MRPL36: variants seen among roughly 807,000 people sequenced by gnomAD.
MRPL36 encodes the protein large ribosomal subunit protein bL36m.
A neutral mutation model predicts 2.8 loss-of-function variants in MRPL36; 1 was observed. That is an observed-to-expected ratio of 0.36 (90% CI 0.13 to 1.69). MRPL36 has a LOEUF of 1.69. Among genes scored for constraint, MRPL36 ranks in the 40% most tolerant of loss-of-function variants. The pLI, the probability that MRPL36 is intolerant of heterozygous loss-of-function variation, is 0.35. For synonymous variants in MRPL36, 68 were observed against 54.8 expected, an observed-to-expected ratio of 1.24 and a Z score of -1.06; for missense variants, 148 against 132.7, an observed-to-expected ratio of 1.12 and a Z score of -0.57.
In MRPL36 at chr5:1,798,454, T is replaced by C. The variant is rs1024610603; in HGVS notation, c.*170A>G. 3.3e-6 allele frequency: 2 copies of C among 608,714 alleles called. No homozygotes were observed. Among genetic ancestry groups the C allele is most frequent in the Non-Finnish European group, 2.8e-6 (1 of 353,960 alleles). 37.7% of individuals were successfully genotyped at this position (608,714 alleles called of 1,614,324 possible). A position where few individuals can be genotyped will look rare whatever the true frequency, so the allele number is the denominator to read the frequency against. On this transcript the variant is annotated 3_prime_UTR_variant, in exon 2 of 2. Transcript: ENST00000505059. ...ACGTTTTGGAAATAAGATAACGCAA[T>C]GTCTTCTATAGTTACTCATTTACAC... is the stretch of plus-strand genomic sequence containing the variant.
chr5:1,800,064 C>G (rs1047782362), upstream of MRPL36, among the ~76,000 whole-genome samples: 1 of 152,166 alleles, frequency 6.6e-6, no homozygotes, highest in African/African-American at 2.4e-5. Flanking sequence ...AAATGGATAT[C>G]CGCAACGAAA....
chr5:1,798,865 C>T lies in MRPL36; in HGVS notation c.71G>A (p.Arg24Gln), dbSNP rs529690993. The T allele has an allele frequency of 1.1e-5, 17 of 1,612,910 alleles. No individual in the cohort carries two copies. The highest frequency in any genetic ancestry group is 5.0e-5 in the Admixed American group (3 of 59,980). Reference sequence around the variant, plus strand: ...TCCAAATAGAAATGTGGAGAGGGCTCGAGGCTTCACCGTGTGACGACTGAG... The same window carrying T: ...TCCAAATAGAAATGTGGAGAGGGCTTGAGGCTTCACCGTGTGACGACTGAG... ...LYLSRHTVKP[R>Q]ALSTFLFGSI... Residue 24 changes from arginine (R) to glutamine (Q), a missense_variant, in exon 2 of 2, where the codon CGA (arginine) becomes CAA (glutamine). Transcript: ENST00000505059.
Position 1,798,923 on chromosome 5 carries a change from A to G in MRPL36, c.13T>C (p.Phe5Leu). 1 of 1,591,160 alleles carries G rather than the reference A, an allele frequency of 6.3e-7. No homozygotes were observed. The highest frequency in any genetic ancestry group is 8.6e-7 in the Non-Finnish European group (1 of 1,163,522). ...AGAGGGTTCACCATTTTCCTTATAA[A>G]AAGATTTGCCATGTTGTGGTGAATC... Reference protein sequence around the residue: MANLFIRKMVNPLLY... With the variant: MANLLIRKMVNPLLY... The change falls in exon 2 of 2, where the codon TTT becomes CTT. Residue 5 changes from phenylalanine to leucine, a missense_variant. By Grantham distance (22) the Phe-to-Leu change is conservative. Coordinates refer to ENST00000505059, the MANE Select transcript of MRPL36 (RefSeq NM_032479.4).
chr5:1,798,808 T>TCCACAG lies in MRPL36; in HGVS notation c.122_127dup (p.Ala41_Val42dup). ...AAGTGAGCGCACTGCTGCCCCGGGT[T>TCCACAG]CCACAGCCACGGGGGCTGCACCTCG... On this transcript the variant is annotated inframe_insertion, in exon 2 of 2. Coordinates refer to ENST00000505059, the MANE Select transcript of MRPL36 (RefSeq NM_032479.4). 1 of 1,614,092 alleles carries TCCACAG rather than the reference T, an allele frequency of 6.2e-7. No individual in the cohort carries two copies. The highest frequency in any genetic ancestry group is 1.1e-5 in the South Asian group (1 of 91,080).
upstream of MRPL36, among the ~76,000 whole-genome samples, chr5:1,800,480 C>G (rs779110513): frequency 9.2e-5 from 14 of 152,160 alleles, no homozygotes; most frequent in Admixed American, 5.9e-4. Context: ...TTCCACCTGA[C>G]CCGGCGAACA....
Position 1,798,708 on chromosome 5 carries a change from G to C in MRPL36, c.228C>G (p.Cys76Trp). ...FKNKTVLKKR[C>W]KDCYLVKRRG... ...GCCTCTTCACCAGGTAACAGTCCTT[G>C]CAGCGCTTCTTAAGGACAGTCTTGT... The change falls in exon 2 of 2, where the codon TGC (cysteine) becomes TGG (tryptophan). Residue 76 changes from cysteine (C) to tryptophan (W), a missense_variant. Cys to Trp is a radical substitution (Grantham distance 215, BLOSUM62 -2). Coordinates refer to ENST00000505059, the MANE Select transcript of MRPL36 (RefSeq NM_032479.4). 2 of 1,613,932 alleles carry C rather than the reference G, an allele frequency of 1.2e-6. No homozygotes were observed. Among genetic ancestry groups the C allele is most frequent in the Non-Finnish European group, 1.7e-6 (2 of 1,179,866 alleles).
At chr5:1,799,742 C>G (rs1417451007) in intron 1 of MRPL36, 50 bp downstream of exon 1, 1 of 151,996 alleles carries the variant, frequency 6.6e-6, no homozygotes, top group Non-Finnish European at 1.5e-5. Context: ...CTCGCAGCCC[C>G]CACTCTCAAG....
At chr5:1,801,285 C>G (rs550837954), upstream of MRPL36, 1 of 1,335,968 alleles carries the variant, frequency 7.5e-7, no homozygotes, top group Non-Finnish European at 9.9e-7. Context: ...AGCTCCGGCG[C>G]ACCCTCTGCC....
upstream of MRPL36, chr5:1,801,341 T>C (rs1390344755): frequency 6.5e-7 from 1 of 1,549,808 alleles, no homozygotes; most frequent in East Asian, 2.3e-5. Context: ...TACCGGGTGT[T>C]TGGCGCCGCC....
At chr5:1,801,345 C>G, upstream of MRPL36, 2 of 1,553,084 alleles carry the variant, frequency 1.3e-6, no homozygotes, top group Non-Finnish European at 1.7e-6. Context: ...GGGTGTTTGG[C>G]GCCGCCAGAA....
At chr5:1,801,314 C>CGT, upstream of MRPL36, 1 of 1,353,856 alleles carries the variant, frequency 7.4e-7, no homozygotes. Context: ...CGCTCCCCGC[C>CGT]CCCAGGGCGA....
At chr5:1,798,968 G>A (rs778890044) in intron 1 of MRPL36, 21 bp from the exon 2 acceptor site, 9 of 1,527,838 alleles carry the variant, frequency 5.9e-6, no homozygotes, top group African/African-American at 1.4e-5. Flanking sequence ...GAGAAAAAAA[G>A]GAGTTATAGC....
chr5:1,800,886 CGAG>C (rs1386983130), upstream of MRPL36, among the ~76,000 whole-genome samples: 14 of 152,214 alleles, frequency 9.2e-5, no homozygotes, highest in South Asian at 2.1e-4. Context: ...TTGCCTTGAA[CGAG>C]GAGAATGCAC....
In MRPL36 at chr5:1,798,548, A is replaced by G; in HGVS notation, c.*76T>C. 6.9e-7 allele frequency: 1 copy of G among 1,449,328 alleles called. No individual in the cohort carries two copies. The highest frequency in any genetic ancestry group is 9.4e-7 in the Non-Finnish European group (1 of 1,061,472). 89.8% of individuals were successfully genotyped at this position (1,449,328 alleles called of 1,614,324 possible). The stretch of plus-strand genomic sequence containing the variant: ...TTTCCCCTGACTCCTTGATGTGATA[A>G]TTCCTTCCATAAGATACAACCATTC... On this transcript the variant is annotated 3_prime_UTR_variant, in exon 2 of 2. Coordinates refer to ENST00000505059, the MANE Select transcript of MRPL36 (RefSeq NM_032479.4).
upstream of MRPL36, chr5:1,801,375 G>T: frequency 6.3e-7 from 1 of 1,599,310 alleles, no homozygotes; most frequent in East Asian, 2.2e-5. Flanking sequence ...ATGCGTTAGC[G>T]CTAAGCGGGA....
chr5:1,798,848 G>A lies in MRPL36; in HGVS notation c.88C>T (p.Leu30=), dbSNP rs539972682. 1 of 1,613,968 alleles carries A rather than the reference G, an allele frequency of 6.2e-7. No homozygotes were observed. The highest frequency in any genetic ancestry group is 8.5e-7 in the Non-Finnish European group (1 of 1,179,900). Residue 30 remains leucine, a synonymous_variant, in exon 2 of 2, where the codon CTA becomes TTA. Transcript: ENST00000505059. ...TVKPRALSTF[L]FGSIRGAAPV... ...GCTGCACCTCGAATGGATCCAAATAGAAATGTGGAGAGGGCTCGAGGCTTC... is the reference window on the plus strand; with the variant it reads ...GCTGCACCTCGAATGGATCCAAATAAAAATGTGGAGAGGGCTCGAGGCTTC...
upstream of MRPL36, among the ~76,000 whole-genome samples, chr5:1,800,173 GT>G (rs1733994721): frequency 6.6e-6 from 1 of 152,232 alleles, no homozygotes; most frequent in African/African-American, 2.4e-5. Flanking sequence ...CAGGAGAAAT[GT>G]AAACAGGCTC....
chr5:1,799,771 C>G (rs1288465925), intron 1 of MRPL36, 21 bp downstream of exon 1: 1 of 67,644 alleles, frequency 1.5e-5, no homozygotes, highest in East Asian at 2.9e-4. Context: ...GACCCCTGAC[C>G]TGAGAAGACG....
At chr5:1,799,071 C>G (rs1733940836) in intron 1 of MRPL36, 124 bp from the exon 2 acceptor site, 5 of 719,408 alleles carry the variant, frequency 7.0e-6, no homozygotes, top group Non-Finnish European at 1.2e-5. Context: ...GAGGGTGTTC[C>G]CATACCAGCT....
Sources: allele counts gnomAD v4.1 joint callset (sites outside exome capture counted in the v4.1 genomes callset), GRCh38; gene constraint gnomAD v4.1.1; transcripts MANE v1.5; gene names NCBI Gene and HGNC (gene_info 2026-07-23, HGNC 2026-07-21).